ARHGEF10: variants seen among roughly 807,000 people sequenced by gnomAD.
The protein encoded by ARHGEF10 is Rho guanine nucleotide exchange factor (GEF) 10.
ARHGEF10 carries 140 observed loss-of-function variants against 147.4 expected under a neutral mutation model. The observed-to-expected ratio is 0.95, with a 90% confidence interval of 0.83 to 1.09. ARHGEF10 has a LOEUF of 1.09. Ranked by LOEUF, ARHGEF10 falls within the 50% of genes least tolerant of loss-of-function variation. The probability of loss-of-function intolerance (pLI) is 0.00; values close to 1 mark genes in which losing one functional copy is unlikely to be tolerated. For missense variants in ARHGEF10, 2,222 were observed against 1,752.7 expected, an observed-to-expected ratio of 1.27 and a Z score of -4.78; for synonymous variants, 902 against 695.8, an observed-to-expected ratio of 1.30 and a Z score of -4.67.
At chr8:1,890,308 TG>T in intron 11 of ARHGEF10, among the ~76,000 whole-genome samples, 1 of 125,114 alleles carries the variant, frequency 8.0e-6, no homozygotes, top group Non-Finnish European at 1.7e-5. Context: ...GAGACACTGA[TG>T]GGGTGAGGGT....
In ARHGEF10 at chr8:1,877,076, A is replaced by T. The variant is rs76117838; in HGVS notation, c.843+342A>T. 4.0e-3 allele frequency among the ~76,000 whole-genome samples: 615 copies of T among 152,344 alleles called. 8 individuals carry two copies. The highest frequency in any genetic ancestry group is 0.014 in the African/African-American group (592 of 41,580). On this transcript the variant is annotated intron_variant, in intron 8 of 28. Transcript: ENST00000349830. ...GCACCGTTTGCGGAACACTGAATAG[A>T]TGGGATCGGGGTTCCCTAAGACACA...
chr8:1,868,174 C>T (rs938228151), intron 6 of ARHGEF10, among the ~76,000 whole-genome samples: 5 of 152,132 alleles, frequency 3.3e-5, no homozygotes, highest in African/African-American at 9.7e-5. Context: ...AAAGAAAGAG[C>T]GTCTGTAATA....
In ARHGEF10 at chr8:1,887,660, G is replaced by A. The variant is rs1423393475; in HGVS notation, c.1182+1953G>A. ...TGAGTGAGCTGAGAGTCTGTGAGGA[G>A]ACACTGAGTGCAATGTGAGGGGTCT... On this transcript the variant is annotated intron_variant, in intron 11 of 28. Transcript: ENST00000349830. Among the ~76,000 whole-genome samples the A allele has an allele frequency of 3.3e-5, 5 of 151,882 alleles. No homozygotes were observed. The East Asian group carries it at 7.8e-4, about 24-fold the overall frequency.
At chr8:1,868,517 A>G (rs1381844954) in intron 6 of ARHGEF10, among the ~76,000 whole-genome samples, 2 of 152,238 alleles carry the variant, frequency 1.3e-5, no homozygotes, top group East Asian at 3.8e-4. Flanking sequence ...CTGTGTGGTC[A>G]TCTCATACAG....
intron 18 of ARHGEF10, among the ~76,000 whole-genome samples, chr8:1,913,895 C>A (rs374591488): frequency 2.0e-5 from 3 of 152,116 alleles, no homozygotes; most frequent in African/African-American, 7.2e-5. Context: ...AAGCTTGTAC[C>A]GTGAGGAGGG....
intron 4 of ARHGEF10, 55 bp downstream of exon 4, chr8:1,860,239 C>T: frequency 1.3e-6 from 2 of 1,520,288 alleles, no homozygotes; most frequent in East Asian, 2.3e-5. Flanking sequence ...CCCTCCTCTC[C>T]ACGCCCCCGA....
chr8:1,889,947 A>T (rs1196189674), intron 11 of ARHGEF10, among the ~76,000 whole-genome samples: 1 of 142,596 alleles, frequency 7.0e-6, no homozygotes, highest in African/African-American at 2.7e-5. Context: ...TTGTGAGGAG[A>T]CACTGAGTGG....
intron 17 of ARHGEF10, among the ~76,000 whole-genome samples, 154 bp downstream of exon 17, chr8:1,905,870 G>A (rs1421955106): frequency 6.6e-6 from 1 of 152,078 alleles, no homozygotes; most frequent in African/African-American, 2.4e-5. Context: ...CTTATAATAA[G>A]CAAGCTTATT....
Position 1,905,638 on chromosome 8 carries a change from G to C in ARHGEF10, c.1889G>C (p.Arg630Thr). ...DDMIETVYND[R>T]GEIVKTKERR... is the part of the protein sequence containing the mutation. ...ATGATAGAAACAGTTTACAACGACA[G>C]AGGAGAGATTGTTAAAACCAAAGAA... Residue 630 changes from arginine to threonine, a missense_variant, in exon 17 of 29, where the codon AGA (arginine) becomes ACA (threonine). Transcript: ENST00000349830. 6.2e-7 allele frequency: 1 copy of C among 1,614,228 alleles called. No individual in the cohort carries two copies. The highest frequency in any genetic ancestry group is 8.5e-7 in the Non-Finnish European group (1 of 1,180,028).
At chr8:1,910,841 G>A (rs1811302467) in intron 18 of ARHGEF10, among the ~76,000 whole-genome samples, 1 of 152,074 alleles carries the variant, frequency 6.6e-6, no homozygotes, top group Admixed American at 6.6e-5. Context: ...AATTAAGATG[G>A]CCTTATTGTA....
intron 27 of ARHGEF10, among the ~76,000 whole-genome samples, chr8:1,952,145 G>A (rs1410839063): frequency 6.6e-6 from 1 of 152,228 alleles, no homozygotes; most frequent in African/African-American, 2.4e-5. Flanking sequence ...ATGTTTCCCT[G>A]CTGTGTCCAG....
At chr8:1,858,484 A>G (rs536786472) in intron 3 of ARHGEF10, among the ~76,000 whole-genome samples, 4 of 152,254 alleles carry the variant, frequency 2.6e-5, no homozygotes, top group African/African-American at 7.2e-5. Flanking sequence ...ATAATTTTCA[A>G]CCTTTTCACT....
chr8:1,955,074 GGT>G (rs2129293959), intron 28 of ARHGEF10, among the ~76,000 whole-genome samples: 2 of 110,648 alleles, frequency 1.8e-5, no homozygotes, highest in Non-Finnish European at 3.8e-5. Flanking sequence ...CCTGAAAGGA[GGT>G]GCACTCTCAC....
Position 1,924,822 on chromosome 8 carries a change from G to T in ARHGEF10, c.2489-461G>T, listed in dbSNP as rs533133151. ...CTATATATTCTTTAATGCTCAGGTTGACAGTTTGCTTTGGGAGTAAAATAT... is the reference window on the plus strand; with the variant it reads ...CTATATATTCTTTAATGCTCAGGTTTACAGTTTGCTTTGGGAGTAAAATAT... On this transcript the variant is annotated intron_variant, in intron 21 of 28. Transcript: ENST00000349830. Among the ~76,000 whole-genome samples, 14 of 152,340 alleles carry T rather than the reference G, an allele frequency of 9.2e-5. No individual in the cohort carries two copies. The South Asian group carries it at 2.7e-3, about 29-fold the overall frequency.
At chr8:1,891,222 T>C (rs937905752) in intron 11 of ARHGEF10, among the ~76,000 whole-genome samples, 1 of 152,198 alleles carries the variant, frequency 6.6e-6, no homozygotes, top group African/African-American at 2.4e-5. Flanking sequence ...GCTTTCTTTA[T>C]TGTAGTCATG....
chr8:1,934,867 T>C (rs1367458070), intron 26 of ARHGEF10, among the ~76,000 whole-genome samples: 1 of 152,230 alleles, frequency 6.6e-6, no homozygotes, highest in Admixed American at 6.5e-5. Context: ...CATTGAAATA[T>C]GTGTATCAAA....
chr8:1,878,124 C>G (rs920125067), intron 8 of ARHGEF10, among the ~76,000 whole-genome samples: 1 of 152,136 alleles, frequency 6.6e-6, no homozygotes, highest in Non-Finnish European at 1.5e-5. Flanking sequence ...GGAATTAGAT[C>G]TTTTCTGCCA....
intron 15 of ARHGEF10, among the ~76,000 whole-genome samples, chr8:1,902,779 G>A (rs909239776): frequency 6.6e-6 from 1 of 152,198 alleles, no homozygotes; most frequent in East Asian, 1.9e-4. Context: ...ATGCATCTTT[G>A]CCGCCCTAAA....
At chr8:1,934,024 G>T in intron 26 of ARHGEF10, 82 bp downstream of exon 26, 1 of 1,587,122 alleles carries the variant, frequency 6.3e-7, no homozygotes, top group Non-Finnish European at 8.6e-7. Flanking sequence ...CGAAGTCAAG[G>T]CTTCTTGCCT....
Sources: gnomAD v4.1 joint callset for allele counts (sites outside exome capture counted in the v4.1 genomes callset) on GRCh38, gnomAD v4.1.1 for gene constraint, MANE v1.5 for transcripts, NCBI Gene and HGNC (gene_info 2026-07-23, HGNC 2026-07-21) for gene names.